The following XPA variants were observed in gnomAD, a reference collection of about 807,000 sequenced individuals.
XPA encodes DNA repair protein complementing XP-A cells.
Under a neutral mutation model 35.7 loss-of-function variants are expected in XPA, and 27 were observed. The observed-to-expected ratio is 0.76, with a 90% CI of 0.56 to 1.04. The LOEUF (loss-of-function observed/expected upper bound fraction) is 1.04, where lower values mean the gene tolerates loss of function less well. Among genes scored for constraint, XPA ranks in the 50% least tolerant of loss-of-function variants. XPA has a pLI of 0.00. For synonymous variants in XPA, 133 were observed against 118.4 expected, an observed-to-expected ratio of 1.12 and a Z score of -0.80; for missense variants, 354 against 342.7, an observed-to-expected ratio of 1.03 and a Z score of -0.26.
At chr9:97,655,245 C>G in the XPA span, among the ~76,000 whole-genome samples, 7 of 152,164 alleles carry the variant, frequency 4.6e-5, no homozygotes, top group African/African-American at 1.7e-4. Flanking sequence ...GGGTCTTGCT[C>G]TGTCACCCAG....
the XPA span, chr9:97,660,909 G>C: frequency 1.9e-6 from 3 of 1,576,102 alleles, no homozygotes; most frequent in African/African-American, 1.4e-5. Context: ...CTTGAAACCT[G>C]ATCTGTCATT....
At chr9:97,662,050 T>G in the XPA span, 1 of 1,611,292 alleles carries the variant, frequency 6.2e-7, no homozygotes, top group African/African-American at 1.3e-5. Context: ...AGATGAAGGA[T>G]TCAGTTTTAA....
At chr9:97,692,184 G>A (rs1329399982) in intron 2 of XPA, among the ~76,000 whole-genome samples, 1 of 151,518 alleles carries the variant, frequency 6.6e-6, no homozygotes, top group Non-Finnish European at 1.5e-5. Flanking sequence ...CCAGCTACTC[G>A]GGAGGCTGAG....
downstream of XPA, among the ~76,000 whole-genome samples, chr9:97,670,739 C>G (rs951131899): frequency 1.3e-5 from 2 of 152,152 alleles, no homozygotes; most frequent in Non-Finnish European, 2.9e-5. Context: ...TAAAAAGTTA[C>G]AATGTATTAT....
chr9:97,675,561 C>G lies in XPA; in HGVS notation c.700G>C (p.Val234Leu). The change falls in exon 6 of 6, where the codon GTG becomes CTG. Residue 234 changes from valine to leucine, a missense_variant. Val to Leu is a conservative substitution (Grantham distance 32, BLOSUM62 1). Coordinates refer to ENST00000375128, the MANE Select transcript of XPA (RefSeq NM_000380.4). ...TGAACAATCGTCTCCCTTTTCCACA[C>G]GCTGCTTCTTACTGCTCGCCGCAAT... The part of the protein sequence containing the change: ...KELRRAVRSS[V>L]WKRETIVHQH... 4 of 1,613,926 alleles carry G rather than the reference C, an allele frequency of 2.5e-6. No homozygotes were observed. In the African/African-American group the frequency reaches 4.0e-5, roughly 16 times the overall value.
At chr9:97,688,109 T>G (rs1828777120) in intron 3 of XPA, among the ~76,000 whole-genome samples, 1 of 152,218 alleles carries the variant, frequency 6.6e-6, no homozygotes, top group Admixed American at 6.5e-5. Context: ...TTTGATGATG[T>G]TGAAAAAGAA....
At chr9:97,692,685 T>G (rs551926253) in intron 2 of XPA, among the ~76,000 whole-genome samples, 2 of 152,330 alleles carry the variant, frequency 1.3e-5, no homozygotes, top group African/African-American at 4.8e-5. Context: ...ATAAACACAA[T>G]GATAATTTTC....
intron 2 of XPA, among the ~76,000 whole-genome samples, chr9:97,691,459 T>C (rs781205004): frequency 6.6e-6 from 1 of 151,404 alleles, no homozygotes; most frequent in Non-Finnish European, 1.5e-5. Context: ...CCCAGCACTT[T>C]GGGAGGCCAA....
intron 1 of XPA, among the ~76,000 whole-genome samples, chr9:97,695,182 T>C (rs1829005302): frequency 6.6e-6 from 1 of 152,146 alleles, no homozygotes; most frequent in Admixed American, 6.5e-5. Flanking sequence ...ATAGGTAAAA[T>C]TCAGATGAGT....
the XPA span, among the ~76,000 whole-genome samples, chr9:97,665,982 T>A: frequency 5.1e-4 from 77 of 152,242 alleles, no homozygotes; most frequent in African/African-American, 1.6e-3. Context: ...ATCTTCACAT[T>A]GAGTAGGCTG....
the XPA span, chr9:97,662,908 TAATG>T: frequency 1.5e-6 from 2 of 1,377,532 alleles, no homozygotes; most frequent in Non-Finnish European, 2.0e-6. Flanking sequence ...CTAAAATGTT[TAATG>T]AATAAGTATA....
chr9:97,664,946 A>G, the XPA span, among the ~76,000 whole-genome samples: 1 of 152,226 alleles, frequency 6.6e-6, no homozygotes, highest in Non-Finnish European at 1.5e-5. Flanking sequence ...CTTAGGTTTA[A>G]TGCAGAAGAT....
At chr9:97,696,741 A>G (rs970163562) in intron 1 of XPA, among the ~76,000 whole-genome samples, 11 of 152,232 alleles carry the variant, frequency 7.2e-5, no homozygotes, top group African/African-American at 2.7e-4. Context: ...TATAGAGGCC[A>G]GAATCAAGAA....
At position 97,674,924 on chromosome 9, in the gene XPA, T is replaced by A; in HGVS notation, c.*515A>T. 2.0e-6 allele frequency: 1 copy of A among 511,500 alleles called. No individual in the cohort carries two copies. The highest frequency in any genetic ancestry group is 3.8e-6 in the Non-Finnish European group (1 of 261,738). 31.7% of individuals were successfully genotyped at this position (511,500 alleles called of 1,614,324 possible). On this transcript the variant is annotated 3_prime_UTR_variant, in exon 6 of 6. Transcript: ENST00000375128. ...GAAAACATGATCAGACTCGTACAAC[T>A]CAATGTTTATTTCTGCTATTAGGGC...
At chr9:97,678,796 C>T (rs760409429) in intron 5 of XPA, among the ~76,000 whole-genome samples, 3 of 152,170 alleles carry the variant, frequency 2.0e-5, no homozygotes, top group South Asian at 2.1e-4. Flanking sequence ...ATATGAGGCC[C>T]GGAGAAAAGC....
At chr9:97,658,966 C>G in the XPA span, among the ~76,000 whole-genome samples, 2 of 152,080 alleles carry the variant, frequency 1.3e-5, no homozygotes, top group Admixed American at 6.5e-5. Context: ...CATTTTTTCT[C>G]TTTTGAATGT....
the XPA span, among the ~76,000 whole-genome samples, chr9:97,665,161 T>TG: frequency 2.0e-5 from 3 of 152,248 alleles, no homozygotes; most frequent in African/African-American, 7.2e-5. Context: ...CAGAGGACAC[T>TG]GATCAGAAAT....
chr9:97,661,113 A>G, the XPA span: 1 of 1,600,620 alleles, frequency 6.2e-7, no homozygotes, highest in Non-Finnish European at 8.5e-7. Context: ...TGTATAGGCC[A>G]ACTTAAAGCA....
chr9:97,679,176 A>G (rs961080232), intron 5 of XPA, among the ~76,000 whole-genome samples: 3 of 152,232 alleles, frequency 2.0e-5, no homozygotes, highest in African/African-American at 7.2e-5. Context: ...ATATATCCCT[A>G]TTAGGAAATA....
Sources: allele counts gnomAD v4.1 joint callset (sites outside exome capture counted in the v4.1 genomes callset), GRCh38; gene constraint gnomAD v4.1.1; transcripts MANE v1.5; gene names NCBI Gene and HGNC (gene_info 2026-07-23, HGNC 2026-07-21).